The following USP34 variants were observed in gnomAD, a reference collection of about 807,000 sequenced individuals.
USP34 encodes the protein ubiquitin specific peptidase 34.
In USP34, 70 loss-of-function variants were observed where a neutral mutation model predicts 460.3. The ratio of observed to expected loss-of-function variants is 0.15; its 90% CI spans 0.13 to 0.19. USP34 has a LOEUF of 0.19. Ranked by LOEUF, USP34 falls within the 10% of genes least tolerant of loss-of-function variation. The pLI is 1.00. For synonymous variants in USP34, 1,647 were observed against 1,405.3 expected, an observed-to-expected ratio of 1.17 and a Z score of -3.85; for missense variants, 3,985 against 4,236.2, an observed-to-expected ratio of 0.94 and a Z score of 1.65.
chr2:61,379,745 TTTAAAAACAGTATTTAAGACTA>T (rs1163576937), intron 7 of USP34, among the ~76,000 whole-genome samples: 1 of 152,274 alleles, frequency 6.6e-6, no homozygotes, highest in Non-Finnish European at 1.5e-5. Flanking sequence ...CTTTGTCCTA[TTTAAAAACAGTATTTAAGACTA>T]TTCAAAACAA....
At chr2:61,416,890 T>G (rs1573020092) in intron 2 of USP34, 1 of 887,688 alleles carries the variant, frequency 1.1e-6, no homozygotes, top group East Asian at 2.6e-5. Context: ...CCCTCATGAG[T>G]GCAGGGCCAG....
intron 25 of USP34, among the ~76,000 whole-genome samples, chr2:61,313,077 AT>A (rs34699412): frequency 0.025 from 3,794 of 152,056 alleles, 65 homozygotes; most frequent in East Asian, 0.045. Context: ...ACCTAAGTAA[AT>A]TTTTTTTAAA....
intron 10 of USP34, among the ~76,000 whole-genome samples, chr2:61,352,582 C>T (rs1395877661): frequency 2.6e-5 from 4 of 151,354 alleles, no homozygotes; most frequent in African/African-American, 9.7e-5. Context: ...CTTGCCTCAG[C>T]CTCGCAAAGT....
chr2:61,341,326 G>T (rs1351226274), intron 16 of USP34, among the ~76,000 whole-genome samples: 1 of 152,156 alleles, frequency 6.6e-6, no homozygotes, highest in Non-Finnish European at 1.5e-5. Flanking sequence ...CAAAAAAACT[G>T]CTGGGTCATA....
intron 18 of USP34, among the ~76,000 whole-genome samples, chr2:61,337,253 GATAC>G (rs1691450068): frequency 6.6e-6 from 1 of 152,116 alleles, no homozygotes; most frequent in African/African-American, 2.4e-5. Context: ...AAATAATAGA[GATAC>G]ATAATGTTTT....
At chr2:61,223,222 T>A (rs770631769) in intron 63 of USP34, 26 bp downstream of exon 63, 2 of 1,613,750 alleles carry the variant, frequency 1.2e-6, no homozygotes, top group South Asian at 1.1e-5. Flanking sequence ...GATGATCAAA[T>A]TGTCTAATAT....
intron 18 of USP34, among the ~76,000 whole-genome samples, chr2:61,334,863 G>T (rs1036925924): frequency 1.3e-5 from 2 of 152,098 alleles, no homozygotes; most frequent in Non-Finnish European, 2.9e-5. Flanking sequence ...ATTTATAAGT[G>T]CTGAATTATT....
At chr2:61,293,186 A>T (rs567183939) in intron 33 of USP34, among the ~76,000 whole-genome samples, 1 of 152,002 alleles carries the variant, frequency 6.6e-6, no homozygotes, top group Non-Finnish European at 1.5e-5. Flanking sequence ...ACTTTATATA[A>T]ATATTAATAT....
At chr2:61,227,338 C>G in intron 61 of USP34, 120 bp from the exon 62 acceptor site, 2 of 1,119,792 alleles carry the variant, frequency 1.8e-6, no homozygotes, top group Non-Finnish European at 2.5e-6. Flanking sequence ...TGAAAAACAA[C>G]TGCACAAAGA....
At chr2:61,225,642 A>G (rs1218199898) in intron 62 of USP34, among the ~76,000 whole-genome samples, 2 of 152,164 alleles carry the variant, frequency 1.3e-5, no homozygotes, top group East Asian at 1.9e-4. Flanking sequence ...TGTGTTCTAT[A>G]AAGTGTGGCA....
intron 58 of USP34, among the ~76,000 whole-genome samples, chr2:61,231,651 G>A (rs116318292): frequency 0.016 from 2,405 of 152,008 alleles, 22 homozygotes; most frequent in Non-Finnish European, 0.024. Flanking sequence ...GGAGGTGGAA[G>A]CTGCAGTGAG....
At chr2:61,268,495 C>T (rs1416692246) in intron 41 of USP34, among the ~76,000 whole-genome samples, 7 of 149,182 alleles carry the variant, frequency 4.7e-5, no homozygotes, top group African/African-American at 1.7e-4. Context: ...CTCCCTTTCT[C>T]GCCATGTGAC....
intron 3 of USP34, among the ~76,000 whole-genome samples, chr2:61,397,495 G>C (rs927093771): frequency 1.3e-5 from 2 of 151,736 alleles, no homozygotes; most frequent in African/African-American, 4.8e-5. Context: ...GCCAGGCCCG[G>C]TGGCTCACAC....
At chr2:61,394,533 CA>C (rs200686763) in intron 5 of USP34, among the ~76,000 whole-genome samples, 6,288 of 107,860 alleles carry the variant, frequency 0.058, 67 homozygotes, top group South Asian at 0.14. Context: ...CCCTCTCTCT[CA>C]AAAAAAAAAA....
rs754167347 is a variant in USP34 at position 61,241,665 on chromosome 2, G to A, written c.6682-10C>T. On this transcript the variant is annotated splice_polypyrimidine_tract_variant and intron_variant, in intron 52 of 79. Coordinates refer to ENST00000398571, the MANE Select transcript of USP34 (RefSeq NM_014709.4). ...TATATGCACTGTGTGTCTTTAAGAG[G>A]CAAGAAAAAAATTTATTTTCATTTT... 5 of 1,553,846 alleles carry A rather than the reference G, an allele frequency of 3.2e-6. No homozygotes were observed. Among genetic ancestry groups the A allele is most frequent in the South Asian group, 1.2e-5 (1 of 80,918 alleles).
At chr2:61,278,748 C>G (rs569145400) in intron 39 of USP34, among the ~76,000 whole-genome samples, 1 of 151,224 alleles carries the variant, frequency 6.6e-6, no homozygotes, top group Non-Finnish European at 1.5e-5. Context: ...CAAACCTTCA[C>G]GTTGTGCACA....
At chr2:61,289,113 T>C (rs1277330908) in intron 33 of USP34, among the ~76,000 whole-genome samples, 1 of 152,144 alleles carries the variant, frequency 6.6e-6, no homozygotes, top group Non-Finnish European at 1.5e-5. Flanking sequence ...GAAATGGAAA[T>C]GACACTTTCA....
chr2:61,405,423 TAA>T (rs1025529426), intron 3 of USP34, among the ~76,000 whole-genome samples: 13 of 152,248 alleles, frequency 8.5e-5, no homozygotes, highest in African/African-American at 2.6e-4. Flanking sequence ...TATTATTTAT[TAA>T]GAGTCATAAA....
At chr2:61,345,599 A>G (rs954137986) in intron 15 of USP34, among the ~76,000 whole-genome samples, 5 of 152,216 alleles carry the variant, frequency 3.3e-5, no homozygotes, top group African/African-American at 1.2e-4. Context: ...TTAGCCCAGG[A>G]AATCCTCACA....
Sources: gnomAD v4.1 joint callset for allele counts (sites outside exome capture counted in the v4.1 genomes callset) on GRCh38, gnomAD v4.1.1 for gene constraint, MANE v1.5 for transcripts, NCBI Gene and HGNC (gene_info 2026-07-23, HGNC 2026-07-21) for gene names.